The following CMBL variants were observed in gnomAD, a reference collection of about 807,000 sequenced individuals.
CMBL encodes the protein carboxymethylenebutenolidase homolog (Pseudomonas).
A neutral mutation model predicts 28.7 loss-of-function variants in CMBL; 17 were observed. That is an observed-to-expected ratio of 0.59 (90% confidence interval 0.41 to 0.89). The LOEUF (loss-of-function observed/expected upper bound fraction) is 0.89. Among genes scored for constraint, CMBL ranks in the 40% least tolerant of loss-of-function variants. CMBL has a pLI of 0.00. For missense variants in CMBL, 310 were observed against 298.5 expected (o/e 1.04, Z -0.28); for synonymous variants, 106 against 101.6 (o/e 1.04, Z -0.26).
intron 1 of CMBL, among the ~76,000 whole-genome samples, chr5:10,301,619 T>TTTTTTTG: frequency 6.7e-6 from 1 of 149,614 alleles, no homozygotes; most frequent in African/African-American, 2.4e-5. Flanking sequence ...TTTTTTTTTT[T>TTTTTTTG]GGAGACGGAG....
intron 4 of CMBL, among the ~76,000 whole-genome samples, chr5:10,284,949 A>C (rs2126542251): frequency 6.6e-6 from 1 of 150,388 alleles, no homozygotes; most frequent in East Asian, 1.9e-4. Flanking sequence ...AAATGTATAA[A>C]TTGCTATTTC....
intron 3 of CMBL, among the ~76,000 whole-genome samples, chr5:10,288,160 G>A (rs74848417): frequency 0.026 from 3,976 of 152,070 alleles, 128 homozygotes; most frequent in South Asian, 0.14. Flanking sequence ...CCAGCTACTC[G>A]GGAGGCTGAG....
intron 1 of CMBL, among the ~76,000 whole-genome samples, chr5:10,298,222 A>G (rs1746841307): frequency 6.6e-6 from 1 of 152,158 alleles, no homozygotes; most frequent in African/African-American, 2.4e-5. Context: ...GGATCCCCAC[A>G]TACCCCAGTG....
intron 1 of CMBL, among the ~76,000 whole-genome samples, chr5:10,291,890 C>G (rs949652126): frequency 2.0e-5 from 3 of 152,208 alleles, no homozygotes; most frequent in African/African-American, 7.2e-5. Flanking sequence ...AAAACCTATA[C>G]ACAAGGAGGC....
intron 4 of CMBL, among the ~76,000 whole-genome samples, chr5:10,282,554 A>T (rs2126539319): frequency 6.6e-6 from 1 of 152,092 alleles, no homozygotes; most frequent in Non-Finnish European, 1.5e-5. Flanking sequence ...AGGCTGAGGC[A>T]GGTGGATGGC....
At chr5:10,280,816 C>G (rs938925122) in intron 5 of CMBL, among the ~76,000 whole-genome samples, 184 bp from the exon 6 acceptor site, 2 of 152,226 alleles carry the variant, frequency 1.3e-5, no homozygotes, top group Non-Finnish European at 2.9e-5. Context: ...CTCTGTTGCC[C>G]AGGTTGGAGT....
intron 4 of CMBL, among the ~76,000 whole-genome samples, chr5:10,282,699 G>A (rs1746517597): frequency 6.6e-6 from 1 of 152,050 alleles, no homozygotes; most frequent in Non-Finnish European, 1.5e-5. Context: ...TGGGCGGATT[G>A]CTTGAGCCTG....
chr5:10,278,544 A>G lies in CMBL; in HGVS notation c.*1909T>C, dbSNP rs911857097. On this transcript the variant is annotated 3_prime_UTR_variant, in exon 6 of 6. Transcript: ENST00000296658. Reference sequence around the variant, plus strand: ...CTGCATAGATGACACCCTGGGCCCCAGTGAAGGCTTTGGCTCATAGCTCCC... The same window carrying G: ...CTGCATAGATGACACCCTGGGCCCCGGTGAAGGCTTTGGCTCATAGCTCCC... 9.2e-5 allele frequency among the ~76,000 whole-genome samples: 14 copies of G among 152,084 alleles called. No individual in the cohort carries two copies. The highest frequency in any genetic ancestry group is 3.4e-4 in the African/African-American group (14 of 41,494).
intron 1 of CMBL, among the ~76,000 whole-genome samples, chr5:10,306,925 C>G (rs11738495): frequency 0.46 from 69,236 of 151,974 alleles, 18,256 homozygotes; most frequent in Non-Finnish European, 0.61. Flanking sequence ...ACCGGCGAGG[C>G]TCATTACTAA....
intron 3 of CMBL, among the ~76,000 whole-genome samples, chr5:10,288,028 G>A (rs372076805): frequency 6.8e-6 from 1 of 147,660 alleles, no homozygotes; most frequent in African/African-American, 2.5e-5. Context: ...ACCATGCCCG[G>A]CCTAAAAATT....
chr5:10,293,122 T>C (rs765759500), intron 1 of CMBL, among the ~76,000 whole-genome samples: 14 of 152,204 alleles, frequency 9.2e-5, no homozygotes, highest in Non-Finnish European at 1.9e-4. Context: ...CAGCAGTAAT[T>C]AGAGACATCT....
At chr5:10,297,619 A>G (rs1329151010) in intron 1 of CMBL, among the ~76,000 whole-genome samples, 1 of 151,984 alleles carries the variant, frequency 6.6e-6, no homozygotes, top group Non-Finnish European at 1.5e-5. Flanking sequence ...GATGGAGGGA[A>G]GACACAGGGA....
At chr5:10,296,946 A>C (rs1015578458) in intron 1 of CMBL, among the ~76,000 whole-genome samples, 1 of 152,182 alleles carries the variant, frequency 6.6e-6, no homozygotes, top group African/African-American at 2.4e-5. Context: ...GCACTTTAAG[A>C]GGCCAAAGTG....
intron 2 of CMBL, among the ~76,000 whole-genome samples, chr5:10,290,219 T>C (rs2126549057): frequency 6.6e-6 from 1 of 152,296 alleles, no homozygotes; most frequent in African/African-American, 2.4e-5. Flanking sequence ...ACGGGTCCAT[T>C]TGACAGCAGG....
In CMBL at chr5:10,277,831, G is replaced by A. The variant is rs1390677310; in HGVS notation, c.*2622C>T. ...GACTCAGCAGAGGGAAGGCTGCCCA[G>A]GCCCCAAGCTCACCATGAAGGATAC... On this transcript the variant is annotated 3_prime_UTR_variant, in exon 6 of 6. Coordinates refer to ENST00000296658, the MANE Select transcript of CMBL (RefSeq NM_138809.4). 6.6e-6 allele frequency among the ~76,000 whole-genome samples: 1 copy of A among 152,214 alleles called. No homozygotes were observed. The highest frequency in any genetic ancestry group is 2.4e-5 in the African/African-American group (1 of 41,462).
intron 4 of CMBL, among the ~76,000 whole-genome samples, chr5:10,284,120 T>A (rs1579470463): frequency 6.6e-6 from 1 of 152,174 alleles, no homozygotes; most frequent in Non-Finnish European, 1.5e-5. Context: ...TCTTTTGATA[T>A]CCCTGGGCCT....
At chr5:10,287,718 C>CT (rs1198637075) in intron 3 of CMBL, among the ~76,000 whole-genome samples, 2,885 of 148,142 alleles carry the variant, frequency 0.019, 84 homozygotes, top group African/African-American at 0.066. Context: ...TAATTAATTT[C>CT]TTTTTTTTTT....
intron 4 of CMBL, among the ~76,000 whole-genome samples, chr5:10,282,963 G>A (rs935366903): frequency 5.3e-5 from 8 of 151,946 alleles, no homozygotes; most frequent in Middle Eastern, 3.4e-3. Flanking sequence ...GGTGGCACGC[G>A]CCTGCAATCT....
At chr5:10,297,569 C>CAA (rs551779818) in intron 1 of CMBL, among the ~76,000 whole-genome samples, 107 of 65,428 alleles carry the variant, frequency 1.6e-3, no homozygotes, top group Middle Eastern at 8.9e-3. Context: ...AACTCTATCT[C>CAA]AAAAAAAAAA....
Sources: gnomAD v4.1 joint callset for allele counts (sites outside exome capture counted in the v4.1 genomes callset) on GRCh38, gnomAD v4.1.1 for gene constraint, MANE v1.5 for transcripts, NCBI Gene and HGNC (gene_info 2026-07-23, HGNC 2026-07-21) for gene names.